The following SETX variants were observed in gnomAD, a reference collection of about 807,000 sequenced individuals.
SETX encodes senataxin.
In SETX, 90 loss-of-function variants were observed where a neutral mutation model predicts 227.2. The observed-to-expected ratio is 0.40, with a 90% CI of 0.33 to 0.47. The LOEUF is 0.47. Among genes scored for constraint, SETX ranks in the 20% least tolerant of loss-of-function variants. The pLI, the probability that SETX is intolerant of heterozygous loss-of-function variation, is 0.91. For synonymous variants in SETX, 1,210 were observed against 1,113.2 expected (o/e 1.09, Z -1.73); for missense variants, 3,052 against 3,181.5 (o/e 0.96, Z 0.98).
At chr9:132,276,364 C>T (rs553459076) in intron 22 of SETX, among the ~76,000 whole-genome samples, 2 of 152,304 alleles carry the variant, frequency 1.3e-5, no homozygotes, top group East Asian at 3.9e-4. Flanking sequence ...GTAACCTCTT[C>T]AATGAGTGTT....
chr9:132,273,256 G>A (rs773954101), intron 23 of SETX, among the ~76,000 whole-genome samples: 9 of 151,928 alleles, frequency 5.9e-5, no homozygotes, highest in African/African-American at 1.9e-4. Flanking sequence ...TCTGCTTCCC[G>A]GGTTCAAGTG....
intron 10 of SETX, among the ~76,000 whole-genome samples, chr9:132,318,819 G>A (rs144198561): frequency 3.9e-5 from 6 of 152,226 alleles, no homozygotes; most frequent in African/African-American, 1.2e-4. Flanking sequence ...CTCTAGCCCA[G>A]GGTAATGAGG....
intron 25 of SETX, among the ~76,000 whole-genome samples, chr9:132,269,238 C>T (rs1842784931): frequency 6.6e-6 from 1 of 152,246 alleles, no homozygotes; most frequent in South Asian, 2.1e-4. Flanking sequence ...GAGCAGAGCA[C>T]GCGCCTGCAA....
Position 132,329,694 on chromosome 9 carries a change from A to G in SETX, c.1904T>C (p.Met635Thr), listed in dbSNP as rs778025313. ...EQMGKTSRKD[M>T]HCLEASSPTF... is the part of the protein sequence containing the mutation. The stretch of plus-strand genomic sequence containing the variant: ...TGGGCTGGAAGCTTCCAAACAATGC[A>G]TATCTTTTCTAGACGTCTTCCCCAT... The change falls in exon 10 of 26, where the codon ATG becomes ACG. Residue 635 changes from methionine (M) to threonine (T), a missense_variant. Physicochemically the swap from Met to Thr is moderately conservative, Grantham distance 81. Coordinates refer to ENST00000224140, the MANE Select transcript of SETX (RefSeq NM_015046.7). 3.7e-6 allele frequency: 6 copies of G among 1,613,946 alleles called. No homozygotes were observed. Among genetic ancestry groups the G allele is most frequent in the South Asian group, 1.1e-5 (1 of 91,072 alleles).
intron 14 of SETX, 146 bp from the exon 15 acceptor site, chr9:132,296,174 T>A: frequency 2.0e-6 from 2 of 998,576 alleles, no homozygotes; most frequent in Non-Finnish European, 3.0e-6. Flanking sequence ...CATCTACATC[T>A]AACACTGATA....
chr9:132,352,961 T>G (rs1848678654), intron 2 of SETX, among the ~76,000 whole-genome samples: 1 of 152,224 alleles, frequency 6.6e-6, no homozygotes, highest in African/African-American at 2.4e-5. Context: ...CATCTCTACT[T>G]TCTTCTCAGT....
chr9:132,349,156 TATC>T (rs1275406792), intron 3 of SETX, 93 bp downstream of exon 3: 11 of 1,211,142 alleles, frequency 9.1e-6, no homozygotes, highest in African/African-American at 4.5e-5. Context: ...GTTGAAATCG[TATC>T]ATCATTTCTC....
At chr9:132,274,313 A>C in intron 23 of SETX, among the ~76,000 whole-genome samples, 1 of 152,166 alleles carries the variant, frequency 6.6e-6, no homozygotes, top group East Asian at 1.9e-4. Flanking sequence ...TATTTATTGG[A>C]AGCATGTGAG....
intron 11 of SETX, among the ~76,000 whole-genome samples, chr9:132,310,916 T>C (rs1389786588): frequency 2.6e-5 from 4 of 152,228 alleles, no homozygotes; most frequent in Non-Finnish European, 4.4e-5. Flanking sequence ...TTTAGCTTTA[T>C]TGTAAGAATA....
At chr9:132,268,241 G>T (rs1842737440) in intron 25 of SETX, among the ~76,000 whole-genome samples, 1 of 152,208 alleles carries the variant, frequency 6.6e-6, no homozygotes, top group South Asian at 2.1e-4. Flanking sequence ...CCCTTCACAT[G>T]GGTTCCCCAA....
chr9:132,285,910 T>C (rs1843846294), intron 18 of SETX, among the ~76,000 whole-genome samples: 1 of 143,852 alleles, frequency 7.0e-6, no homozygotes, highest in South Asian at 2.2e-4. Context: ...AGGCCAGGTG[T>C]GGTGCCTCAC....
rs79233884 is a variant in SETX at position 132,271,808 on chromosome 9, T to C, written c.7101A>G (p.Gly2367=). The C allele has an allele frequency of 4.1e-4, 656 of 1,611,682 alleles. 5 individuals are homozygous for C. The African/African-American group carries it at 5.3e-3, about 13-fold the overall frequency. The stretch of plus-strand genomic sequence containing the variant: ...CATCCACAGTGTCTACTTCTGCTGG[T>C]CTATTTACAAAAGAGAAACATATTT... ...KDLDKEFDRK[G]PAEVDTVDAF... The change falls in exon 24 of 26, where the codon GGA becomes GGG. Residue 2367 remains glycine (G), a splice_region_variant and synonymous_variant. Transcript: ENST00000224140.
Position 132,327,460 on chromosome 9 carries a change from T to C in SETX, c.4138A>G (p.Thr1380Ala). ...STDVKRAGSH[T>A]AQNSDIFVPE... ...ACAAATATGTCAGAATTCTGTGCTG[T>C]ATGTGACCCTGCTCTTTTAACATCT... The change falls in exon 10 of 26, where the codon ACA (threonine) becomes GCA (alanine). Residue 1380 changes from threonine to alanine, a missense_variant. Transcript: ENST00000224140. 1 of 1,614,198 alleles carries C rather than the reference T, an allele frequency of 6.2e-7. No individual in the cohort carries two copies. The highest frequency in any genetic ancestry group is 1.1e-5 in the South Asian group (1 of 91,090).
At chr9:132,272,715 T>A (rs1420732457) in intron 23 of SETX, among the ~76,000 whole-genome samples, 1 of 152,268 alleles carries the variant, frequency 6.6e-6, no homozygotes, top group Non-Finnish European at 1.5e-5. Context: ...TTTCTTATAC[T>A]GTGAGTTTCA....
At chr9:132,273,287 A>C (rs2131156692) in intron 23 of SETX, among the ~76,000 whole-genome samples, 2 of 152,064 alleles carry the variant, frequency 1.3e-5, no homozygotes, top group Middle Eastern at 6.8e-3. Flanking sequence ...CTCACCCTCC[A>C]GAGTAGTTGG....
chr9:132,295,445 T>C (rs1179903257), intron 15 of SETX, among the ~76,000 whole-genome samples: 2 of 152,246 alleles, frequency 1.3e-5, no homozygotes. Context: ...TGAGGCTCTC[T>C]TGCCCTGATT....
Position 132,263,637 on chromosome 9 carries a change from GC to G in SETX, c.*601del, listed in dbSNP as rs1842489460. ...AGACTTTACCTAACATAACCGTGCT[GC>G]CCAAAGTGTCCCCTAGGAGACTCCA... On this transcript the variant is annotated 3_prime_UTR_variant, in exon 26 of 26. Transcript: ENST00000224140. The G allele has an allele frequency of 6.5e-6, 1 of 153,106 alleles. No individual in the cohort carries two copies. The highest frequency in any genetic ancestry group is 2.4e-5 in the African/African-American group (1 of 41,394). 9.5% of individuals were successfully genotyped at this position (153,106 alleles called of 1,614,324 possible).
intron 4 of SETX, among the ~76,000 whole-genome samples, chr9:132,344,282 T>C (rs1259519346): frequency 5.9e-5 from 9 of 152,194 alleles, no homozygotes; most frequent in Non-Finnish European, 1.5e-5. Flanking sequence ...GGTGTGCTCA[T>C]GGCTCACCTC....
intron 4 of SETX, among the ~76,000 whole-genome samples, chr9:132,344,318 A>G (rs528943199): frequency 1.3e-4 from 20 of 152,156 alleles, no homozygotes; most frequent in African/African-American, 4.6e-4. Context: ...GGCTCGAATG[A>G]TCCTCCCACC....
Sources: gnomAD v4.1 joint callset for allele counts (sites outside exome capture counted in the v4.1 genomes callset) on GRCh38, gnomAD v4.1.1 for gene constraint, MANE v1.5 for transcripts, NCBI Gene and HGNC (gene_info 2026-07-23, HGNC 2026-07-21) for gene names.